Variants in KRT8 observed in about 807,000 individuals in gnomAD.
KRT8 encodes keratin 8.
In KRT8, 24 loss-of-function variants were observed where a neutral mutation model predicts 43.0. The ratio of observed to expected loss-of-function variants is 0.56; its 90% CI spans 0.40 to 0.78. KRT8 has a LOEUF of 0.78. Ranked by LOEUF, KRT8 falls within the 30% of genes least tolerant of loss-of-function variation. The probability of loss-of-function intolerance (pLI) is 0.00; values close to 1 mark genes in which losing one functional copy is unlikely to be tolerated. For missense variants in KRT8, 492 were observed against 638.4 expected, an observed-to-expected ratio of 0.77 and a Z score of 2.47; for synonymous variants, 214 against 261.2, an observed-to-expected ratio of 0.82 and a Z score of 1.74.
At chr12:52,949,380 G>C (rs763320997) in intron 2 of KRT8, 1 of 1,610,828 alleles carries the variant, frequency 6.2e-7, no homozygotes, top group South Asian at 1.1e-5. Context: ...GGATAGCCGG[G>C]GGTCTGGCAG....
intron 2 of KRT8, 111 bp from the exon 3 acceptor site, chr12:52,901,330 G>T: frequency 1.3e-6 from 1 of 798,794 alleles, no homozygotes; most frequent in Non-Finnish European, 2.2e-6. Context: ...TCACAGAGAT[G>T]CAGGATATGA....
At chr12:52,917,896 G>GAGAAGGAGGAGAAGGAGAAAA in intron 2 of KRT8, among the ~76,000 whole-genome samples, 1 of 147,992 alleles carries the variant, frequency 6.8e-6, no homozygotes, top group African/African-American at 2.5e-5. Flanking sequence ...GAAGAAGAAG[G>GAGAAGGAGGAGAAGGAGAAAA]AGAAGGAGGA....
rs763658440 is a variant in KRT8, at chr12:52,898,527, C to A, written c.1203-8G>T. The A allele has an allele frequency of 8.7e-6, 14 of 1,614,004 alleles. No individual in the cohort carries two copies. The highest frequency in any genetic ancestry group is 1.2e-5 in the Non-Finnish European group (14 of 1,179,988). On this transcript the variant is annotated splice_polypyrimidine_tract_variant and splice_region_variant and intron_variant, in intron 6 of 7. Transcript: ENST00000692008. ...TGCATCCCAGACTCCAGCCTGTACC[C>A]AGACAAATGGGGTGTCAGGACCAAC...
intron 2 of KRT8, among the ~76,000 whole-genome samples, chr12:52,918,113 A>T (rs1374640165): frequency 4.1e-5 from 6 of 145,720 alleles, no homozygotes; most frequent in Non-Finnish European, 9.0e-5. Flanking sequence ...GAAGAAGAAG[A>T]AGAAGAGGAA....
chr12:52,920,506 C>T (rs539513520), intron 2 of KRT8, among the ~76,000 whole-genome samples: 9 of 152,076 alleles, frequency 5.9e-5, no homozygotes, highest in African/African-American at 1.7e-4. Context: ...CTGAGGCAGG[C>T]GAATTGATTG....
Position 52,938,807 on chromosome 12 carries a change from C to T in KRT8, c.-47+10649G>A, listed in dbSNP as rs181625211. On this transcript the variant is annotated intron_variant, in intron 2 of 6. Transcript: ENST00000546826. ...TAATTTTTTGTGTTTTTAGTAGAGA[C>T]GGGGTTTCACCGTGTTAACCAGGAT... Among the ~76,000 whole-genome samples the T allele has an allele frequency of 2.0e-5, 3 of 152,156 alleles. No homozygotes were observed. The East Asian group carries it at 5.8e-4, about 29-fold the overall frequency.
intron 2 of KRT8, among the ~76,000 whole-genome samples, chr12:52,941,355 G>C (rs1354560184): frequency 6.6e-6 from 1 of 152,102 alleles, no homozygotes; most frequent in Non-Finnish European, 1.5e-5. Flanking sequence ...CCACCAGCAG[G>C]AGATATGGTT....
chr12:52,943,584 A>C (rs1478817723), intron 2 of KRT8, among the ~76,000 whole-genome samples: 1 of 152,218 alleles, frequency 6.6e-6, no homozygotes, highest in African/African-American at 2.4e-5. Context: ...GTTTCACCCA[A>C]ATCCTTGAGG....
chr12:52,900,863 TCTGCTTC>T (rs1941351768), intron 3 of KRT8, 180 bp from the exon 4 acceptor site: 1 of 651,098 alleles, frequency 1.5e-6, no homozygotes, highest in African/African-American at 1.8e-5. Flanking sequence ...CACCTTCACC[TCTGCTTC>T]CTGCAACACA....
intron 2 of KRT8, among the ~76,000 whole-genome samples, chr12:52,916,888 C>T (rs144829481): frequency 6.8e-4 from 104 of 152,264 alleles, no homozygotes; most frequent in African/African-American, 2.5e-3. Flanking sequence ...GCACCATATT[C>T]CAGTGAGACA....
intron 2 of KRT8, among the ~76,000 whole-genome samples, chr12:52,915,281 G>C (rs924982959): frequency 1.3e-5 from 2 of 151,806 alleles, no homozygotes; most frequent in Non-Finnish European, 2.9e-5. Context: ...GCTGAGGCAG[G>C]AGAATGGCGT....
At chr12:52,897,664 A>C (rs774494509) in intron 7 of KRT8, 46 bp from the exon 8 acceptor site, 6 of 1,597,218 alleles carry the variant, frequency 3.8e-6, no homozygotes, top group Non-Finnish European at 1.7e-6. Flanking sequence ...AGCCCACCCC[A>C]TGGCAGGCTC....
intron 2 of KRT8, chr12:52,926,332 G>GGGCCCCCCCCCCCCCC: frequency 1.7e-6 from 1 of 600,272 alleles, no homozygotes; most frequent in Non-Finnish European, 3.0e-6. Flanking sequence ...GGCACTAGCT[G>GGGCCCCCCCCCCCCCC]CCCTCCCCAC....
chr12:52,948,554 C>A (rs1942391200), intron 2 of KRT8: 1 of 215,228 alleles, frequency 4.6e-6, no homozygotes, highest in East Asian at 9.7e-5. Context: ...TGCAGTGGCG[C>A]GATCTCGGCT....
chr12:52,908,091 C>T (rs1941560430), upstream of KRT8, among the ~76,000 whole-genome samples: 1 of 152,226 alleles, frequency 6.6e-6, no homozygotes, highest in African/African-American at 2.4e-5. Flanking sequence ...GCCAGGCCCC[C>T]TACTTCTGAT....
intron 2 of KRT8, among the ~76,000 whole-genome samples, chr12:52,931,723 T>C (rs1942087342): frequency 6.6e-6 from 1 of 151,922 alleles, no homozygotes; most frequent in South Asian, 2.1e-4. Flanking sequence ...ATTGCAGTGA[T>C]GTGATCTTGG....
chr12:52,897,631 A>G lies in KRT8; in HGVS notation c.1262-13T>C. 3 of 1,597,966 alleles carry G rather than the reference A, an allele frequency of 1.9e-6. No individual in the cohort carries two copies. The highest frequency in any genetic ancestry group is 2.5e-6 in the Non-Finnish European group (3 of 1,179,912). ...GAGCTCAGACCACCTGGTGAGGGACAGAGGTAGCCACATGAGTACAGAAGC... is the reference window on the plus strand; with the variant it reads ...GAGCTCAGACCACCTGGTGAGGGACGGAGGTAGCCACATGAGTACAGAAGC... On this transcript the variant is annotated splice_polypyrimidine_tract_variant and intron_variant, in intron 7 of 7. Coordinates refer to ENST00000692008, the Ensembl canonical transcript of KRT8.
chr12:52,936,706 G>A (rs1032506519), intron 2 of KRT8, among the ~76,000 whole-genome samples: 3 of 152,092 alleles, frequency 2.0e-5, no homozygotes, highest in Non-Finnish European at 4.4e-5. Context: ...GTAGAGATGG[G>A]GTTTCTCCAT....
chr12:52,904,184 G>A (rs946558404), intron 1 of KRT8, among the ~76,000 whole-genome samples: 5 of 152,112 alleles, frequency 3.3e-5, no homozygotes, highest in African/African-American at 1.2e-4. Context: ...GAGCCCTTGG[G>A]GTAGTGCTGG....
Sources: allele counts gnomAD v4.1 joint callset (sites outside exome capture counted in the v4.1 genomes callset), GRCh38; gene constraint gnomAD v4.1.1; transcripts MANE v1.5; gene names NCBI Gene and HGNC (gene_info 2026-07-23, HGNC 2026-07-21).